ACSS2: variants seen among roughly 807,000 people sequenced by gnomAD.
ACSS2 encodes acyl-CoA synthetase short chain family member 2.
Under a neutral mutation model 90.6 loss-of-function variants are expected in ACSS2, and 58 were observed. That is an observed-to-expected ratio of 0.64 (90% CI 0.52 to 0.80). ACSS2 has a LOEUF of 0.80. ACSS2 is among the 30% of genes least tolerant of loss of function. ACSS2 has a pLI of 0.00. For synonymous variants in ACSS2, 300 were observed against 330.9 expected (o/e 0.91, Z 1.01); for missense variants, 759 against 912.0 (o/e 0.83, Z 2.16).
intron 2 of ACSS2, among the ~76,000 whole-genome samples, chr20:34,899,362 C>CT (rs2080569164): frequency 6.6e-6 from 1 of 152,206 alleles, no homozygotes; most frequent in Admixed American, 6.5e-5. Flanking sequence ...ACGCTGTCAC[C>CT]TCTCAACGTT....
Position 34,914,448 on chromosome 20 carries a change from C to T in ACSS2, c.834+11C>T. 6.3e-7 allele frequency: 1 copy of T among 1,589,776 alleles called. No individual in the cohort carries two copies. Among genetic ancestry groups the T allele is most frequent in the Non-Finnish European group, 8.6e-7 (1 of 1,168,034 alleles). Reference sequence around the variant, plus strand: ...TGCCCAGATGTGCAGGTGAGTCTGGCACTGCTATGCCTTTCTCCAGGCTCA... The same window carrying T: ...TGCCCAGATGTGCAGGTGAGTCTGGTACTGCTATGCCTTTCTCCAGGCTCA... On this transcript the variant is annotated intron_variant, in intron 7 of 17. Coordinates refer to ENST00000360596, the MANE Select transcript of ACSS2 (RefSeq NM_018677.4).
At chr20:34,902,269 T>C (rs1487806648) in intron 2 of ACSS2, among the ~76,000 whole-genome samples, 2 of 152,048 alleles carry the variant, frequency 1.3e-5, no homozygotes, top group Non-Finnish European at 2.9e-5. Flanking sequence ...AGATAGGAAA[T>C]TAGCAAAAAT....
At position 34,884,526 on chromosome 20, in the gene ACSS2, A is replaced by G. The variant is rs184444727; in HGVS notation, c.374+1537A>G. On this transcript the variant is annotated intron_variant, in intron 2 of 17. Transcript: ENST00000360596. ...TTTTTCTCTCTAGATTGTTGTAAGA[A>G]TCAAATGAGATAACGTTGTAAAAGC... Among the ~76,000 whole-genome samples the G allele has an allele frequency of 1.7e-4, 26 of 152,350 alleles. No individual in the cohort carries two copies. The East Asian group carries it at 4.2e-3, about 25-fold the overall frequency.
At chr20:34,913,293 G>C in intron 3 of ACSS2, 100 bp from the exon 4 acceptor site, 1 of 1,548,914 alleles carries the variant, frequency 6.5e-7, no homozygotes, top group Non-Finnish European at 8.9e-7. Context: ...TGGTAACAGA[G>C]GAAGAGAACA....
chr20:34,921,310 C>G lies in ACSS2; in HGVS notation c.1278-20C>G, dbSNP rs201916001. 6 of 1,613,844 alleles carry G rather than the reference C, an allele frequency of 3.7e-6. No homozygotes were observed. In the African/African-American group the frequency reaches 6.7e-5, roughly 18 times the overall value. On this transcript the variant is annotated intron_variant, in intron 10 of 17. Transcript: ENST00000360596. ...CCAGTAGTACTCAGAGCCTTCCTCT[C>G]TCCCATTCCCCTGCCCCAGGCATAG...
intron 2 of ACSS2, among the ~76,000 whole-genome samples, chr20:34,904,621 G>A (rs1042286947): frequency 2.0e-5 from 3 of 152,208 alleles, no homozygotes; most frequent in African/African-American, 7.2e-5. Flanking sequence ...GGTAGAAATA[G>A]ATGTGAAGAG....
intron 16 of ACSS2, 81 bp from the exon 17 acceptor site, chr20:34,926,796 G>A (rs1013220702): frequency 1.4e-6 from 2 of 1,445,634 alleles, no homozygotes; most frequent in African/African-American, 1.4e-5. Context: ...AACAGGTGGG[G>A]AACAAAGCCA....
intron 7 of ACSS2, among the ~76,000 whole-genome samples, chr20:34,916,265 G>C (rs1461239186): frequency 6.6e-6 from 1 of 152,140 alleles, no homozygotes; most frequent in Non-Finnish European, 1.5e-5. Context: ...AGATTACTTG[G>C]GTTCAAATCC....
chr20:34,888,838 G>T lies in ACSS2; in HGVS notation c.374+5849G>T, dbSNP rs554664263. Among the ~76,000 whole-genome samples, 29 of 152,278 alleles carry T rather than the reference G, an allele frequency of 1.9e-4. No individual in the cohort carries two copies. The East Asian group carries it at 1.9e-3, about 10-fold the overall frequency. On this transcript the variant is annotated intron_variant, in intron 2 of 17. Transcript: ENST00000360596. ...GTAGGTGGAGAACAAATGTGCTGCT[G>T]CCTGGTGTGTTTGAAGACTAGCTAG...
At chr20:34,902,171 A>G (rs1255543737) in intron 2 of ACSS2, among the ~76,000 whole-genome samples, 1 of 152,184 alleles carries the variant, frequency 6.6e-6, no homozygotes, top group African/African-American at 2.4e-5. Flanking sequence ...ATTATATACA[A>G]GGTTCTGTAC....
At chr20:34,910,016 C>G (rs1452435531) in intron 2 of ACSS2, among the ~76,000 whole-genome samples, 1 of 111,954 alleles carries the variant, frequency 8.9e-6, no homozygotes, top group Non-Finnish European at 1.8e-5. Flanking sequence ...TGTGCCTGGC[C>G]AAATTTTTTT....
intron 1 of ACSS2, among the ~76,000 whole-genome samples, chr20:34,881,257 G>A (rs927363872): frequency 2.7e-5 from 4 of 149,188 alleles, no homozygotes; most frequent in African/African-American, 9.9e-5. Flanking sequence ...GGCTGGTCTC[G>A]AACTCCTGAT....
intron 2 of ACSS2, among the ~76,000 whole-genome samples, chr20:34,892,283 C>T (rs533010018): frequency 6.6e-6 from 1 of 152,150 alleles, no homozygotes; most frequent in Non-Finnish European, 1.5e-5. Flanking sequence ...ACTCAGAAGG[C>T]GTGGAGTTGA....
rs757812388 is a variant in ACSS2 at position 34,882,944 on chromosome 20, G to A, written c.329G>A (p.Arg110Gln). The change falls in exon 2 of 18, where the codon CGA becomes CAA. Residue 110 changes from arginine to glutamine, a missense_variant. By Grantham distance (43) the Arg-to-Gln change is conservative. Transcript: ENST00000360596. ...AACATCTGCTACAATGTACTGGATC[G>A]AAATGTCCATGAGAAAAAGCTTGGA... The part of the protein sequence containing the change: ...TTNICYNVLD[R>Q]NVHEKKLGDK... The A allele has an allele frequency of 1.7e-5, 28 of 1,610,550 alleles. No individual in the cohort carries two copies. Among genetic ancestry groups the A allele is most frequent in the Admixed American group, 1.3e-4 (8 of 59,346 alleles).
chr20:34,905,300 G>A (rs1414818938), intron 2 of ACSS2, among the ~76,000 whole-genome samples: 8 of 148,546 alleles, frequency 5.4e-5, no homozygotes, highest in South Asian at 2.1e-4. Context: ...TCGCTCGGTC[G>A]CCCAGGCTGG....
chr20:34,882,714 T>A (rs897908364), intron 1 of ACSS2, 80 bp from the exon 2 acceptor site: 18 of 1,374,124 alleles, frequency 1.3e-5, no homozygotes, highest in Admixed American at 8.2e-5. Context: ...AATTTGGTCC[T>A]GTGTATAGAC....
chr20:34,883,051 C>A lies in ACSS2; in HGVS notation c.374+62C>A, dbSNP rs945258435. 4.6e-6 allele frequency: 6 copies of A among 1,310,370 alleles called. No individual in the cohort carries two copies. The African/African-American group carries it at 6.0e-5, about 13-fold the overall frequency. The allele number at this position is 1,310,370 out of a possible 1,614,324, so 81.2% of individuals were successfully genotyped here. ...AACACTCATTTGATACTTACAACAA[C>A]CCAGTAGAGTAAGCAAAGTGTCATC... is the stretch of plus-strand genomic sequence containing the variant. On this transcript the variant is annotated intron_variant, in intron 2 of 17. Coordinates refer to ENST00000360596, the MANE Select transcript of ACSS2 (RefSeq NM_018677.4).
Position 34,921,613 on chromosome 20 carries a change from T to A in ACSS2, c.1467+13T>A. The A allele has an allele frequency of 6.2e-7, 1 of 1,614,190 alleles. No homozygotes were observed. Among genetic ancestry groups the A allele is most frequent in the Non-Finnish European group, 8.5e-7 (1 of 1,180,028 alleles). The stretch of plus-strand genomic sequence containing the variant: ...ACCCGGTTCTGCTGTGAGTGATGCT[T>A]CCCTGGCTGGTCTTGGGCTAGGCAG... On this transcript the variant is annotated intron_variant, in intron 12 of 17. Coordinates refer to ENST00000360596, the MANE Select transcript of ACSS2 (RefSeq NM_018677.4).
rs2081239518 is a variant in ACSS2, at chr20:34,923,202, CCT to C, written c.1549-118_1549-117del. On this transcript the variant is annotated intron_variant, in intron 13 of 17. Transcript: ENST00000360596. ...TAGAGCTGGGATTCCAAGCCAGGAT[CCT>C]CTGTCTCCAAAGCCTGTACTTCATT... 7.0e-6 allele frequency: 5 copies of C among 714,264 alleles called. No individual in the cohort carries two copies. The Admixed American group carries it at 1.2e-4, about 17-fold the overall frequency. The allele number at this position is 714,264 out of a possible 1,614,324, so 44.2% of individuals were successfully genotyped here.
Sources: gnomAD v4.1 joint callset for allele counts (sites outside exome capture counted in the v4.1 genomes callset) on GRCh38, gnomAD v4.1.1 for gene constraint, MANE v1.5 for transcripts, NCBI Gene and HGNC (gene_info 2026-07-23, HGNC 2026-07-21) for gene names.